FGF13: variants seen among roughly 807,000 people sequenced by gnomAD.
FGF13 encodes the protein fibroblast growth factor homologous factor 2.
FGF13 carries 2 observed loss-of-function variants against 19.5 expected under a neutral mutation model. The observed-to-expected ratio is 0.10, with a 90% CI of 0.04 to 0.32. The LOEUF (loss-of-function observed/expected upper bound fraction) is 0.32. Ranked by LOEUF, FGF13 falls within the 10% of genes least tolerant of loss-of-function variation. The pLI is 1.00. For synonymous variants in FGF13, 72 were observed against 76.9 expected (o/e 0.94, Z 0.33); for missense variants, 113 against 192.7 (o/e 0.59, Z 2.45).
intron 3 of FGF13, among the ~76,000 whole-genome samples, chrX:138,680,913 T>C (rs1449440119): frequency 9.0e-6 from 1 of 111,077 alleles, no homozygotes; most frequent in East Asian, 2.9e-4. Context: ...GGCTCACCCC[T>C]GTAATCCCAG....
At chrX:138,834,648 C>T (rs1224069885) in intron 3 of FGF13, among the ~76,000 whole-genome samples, 2 of 106,868 alleles carry the variant, frequency 1.9e-5, no homozygotes, top group Non-Finnish European at 3.8e-5. Flanking sequence ...TTTCATGTTT[C>T]TATCTCCTTC....
At chrX:138,969,189 G>C (rs1336393815) in intron 1 of FGF13, among the ~76,000 whole-genome samples, 1 of 111,911 alleles carries the variant, frequency 8.9e-6, no homozygotes, top group South Asian at 3.7e-4. Flanking sequence ...CTGTGTGTCA[G>C]AAGACTTATT....
intron 1 of FGF13, among the ~76,000 whole-genome samples, chrX:139,165,514 A>G (rs2084076845): frequency 9.0e-6 from 1 of 111,454 alleles, no homozygotes; most frequent in South Asian, 3.8e-4. Context: ...AAATCCCGAA[A>G]GCACTTTGGA....
At chrX:139,057,989 G>A (rs2092325045) in intron 1 of FGF13, among the ~76,000 whole-genome samples, 1 of 111,636 alleles carries the variant, frequency 9.0e-6, no homozygotes, top group African/African-American at 3.3e-5. Context: ...GTGAAGATTT[G>A]ATGAGATATA....
intron 1 of FGF13, among the ~76,000 whole-genome samples, chrX:138,997,553 C>T (rs1050784027): frequency 9.0e-6 from 1 of 110,782 alleles, no homozygotes; most frequent in African/African-American, 3.3e-5. Flanking sequence ...TTTCAATGGT[C>T]GAATCGATCA....
chrX:138,745,020 A>T (rs1028458403), intron 3 of FGF13, among the ~76,000 whole-genome samples: 16 of 112,122 alleles, frequency 1.4e-4, no homozygotes, highest in Admixed American at 8.5e-4. Flanking sequence ...ATTACTGACA[A>T]GAGCTGACTG....
chrX:138,671,813 T>C (rs2089615708), intron 3 of FGF13, among the ~76,000 whole-genome samples: 1 of 110,842 alleles, frequency 9.0e-6, no homozygotes, highest in South Asian at 3.8e-4. Flanking sequence ...GCTGTATAAA[T>C]TATGGATGCA....
At chrX:138,979,359 C>T (rs1025660332) in intron 1 of FGF13, among the ~76,000 whole-genome samples, 2 of 110,613 alleles carry the variant, frequency 1.8e-5, no homozygotes, top group African/African-American at 3.3e-5. Context: ...TATCAGTTGG[C>T]CCAACAACAA....
chrX:138,990,265 T>G (rs1460376707), intron 1 of FGF13, among the ~76,000 whole-genome samples: 2 of 110,119 alleles, frequency 1.8e-5, no homozygotes, highest in Non-Finnish European at 3.8e-5. Flanking sequence ...GCTTCCTGGG[T>G]TAAGATTTAA....
chrX:139,152,286 C>T (rs1421604298), intron 1 of FGF13, among the ~76,000 whole-genome samples: 2 of 102,053 alleles, frequency 2.0e-5, no homozygotes, highest in African/African-American at 7.0e-5. Flanking sequence ...CGGAGGAGGC[C>T]CCGGGGCGAT....
Position 138,705,983 on chromosome X carries a change from C to T in FGF13, c.298+2835G>A, listed in dbSNP as rs1045700689. On this transcript the variant is annotated intron_variant, in intron 2 of 4. Transcript: ENST00000315930. ...GTTTCTTGTTTGTTCTCTGTTATGT[C>T]TGCATAAAAACAAACACCTTCTATT... Among the ~76,000 whole-genome samples, 2 of 112,227 alleles carry T rather than the reference C, an allele frequency of 1.8e-5. 1 individual carries two copies. Among genetic ancestry groups the T allele is most frequent in the South Asian group, 7.3e-4 (2 of 2,744 alleles).
chrX:138,685,371 C>G (rs1032419129), intron 3 of FGF13, among the ~76,000 whole-genome samples: 1 of 110,797 alleles, frequency 9.0e-6, no homozygotes, highest in Non-Finnish European at 1.9e-5. Flanking sequence ...TTGGCCAGCA[C>G]CCCTAACAAA....
intron 1 of FGF13, among the ~76,000 whole-genome samples, chrX:139,016,421 C>G (rs763366583): frequency 2.5e-4 from 28 of 111,573 alleles, no homozygotes; most frequent in Middle Eastern, 9.2e-3. Flanking sequence ...CTTCCTAGTT[C>G]TCTCCCAATC....
At chrX:139,052,282 A>G (rs745954251) in intron 1 of FGF13, among the ~76,000 whole-genome samples, 83 of 112,066 alleles carry the variant, frequency 7.4e-4, no homozygotes, top group Non-Finnish European at 1.3e-3. Flanking sequence ...TATAAACTTT[A>G]TTCCTCAATG....
intron 1 of FGF13, among the ~76,000 whole-genome samples, chrX:139,192,277 T>A (rs775520295): frequency 9.0e-6 from 1 of 111,586 alleles, no homozygotes; most frequent in Non-Finnish European, 1.9e-5. Context: ...GGATGACTCC[T>A]TTGAGAATCT....
intron 1 of FGF13, among the ~76,000 whole-genome samples, chrX:139,034,768 G>C (rs939609080): frequency 3.6e-5 from 4 of 111,762 alleles, no homozygotes; most frequent in African/African-American, 1.3e-4. Flanking sequence ...TGAATGCTCT[G>C]AAAAAATCAA....
intron 3 of FGF13, among the ~76,000 whole-genome samples, chrX:138,695,519 A>G (rs1463752148): frequency 8.9e-6 from 1 of 111,992 alleles, no homozygotes; most frequent in Admixed American, 9.5e-5. Flanking sequence ...AAATATCCCT[A>G]TTCTTAGGAA....
At chrX:139,013,437 C>T (rs1321321910) in intron 1 of FGF13, among the ~76,000 whole-genome samples, 1 of 98,109 alleles carries the variant, frequency 1.0e-5, no homozygotes, top group Non-Finnish European at 2.0e-5. Context: ...AATATGAAAC[C>T]AGCCCAAATG....
At chrX:138,978,323 C>T (rs1331568375) in intron 1 of FGF13, among the ~76,000 whole-genome samples, 3 of 94,479 alleles carry the variant, frequency 3.2e-5, no homozygotes, top group Non-Finnish European at 6.1e-5. Flanking sequence ...AGTGCAGTGG[C>T]GCGATCTCGG....
Sources: allele counts gnomAD v4.1 joint callset (sites outside exome capture counted in the v4.1 genomes callset), GRCh38; gene constraint gnomAD v4.1.1; transcripts MANE v1.5; gene names NCBI Gene and HGNC (gene_info 2026-07-23, HGNC 2026-07-21).